Variants in DCDC1 observed in about 807,000 individuals in gnomAD.
The protein encoded by DCDC1 is doublecortin domain-containing protein 1.
A neutral mutation model predicts 178.3 loss-of-function variants in DCDC1; 200 were observed. The ratio of observed to expected loss-of-function variants is 1.12; its 90% confidence interval spans 1.00 to 1.26. DCDC1 has a LOEUF of 1.26. Ranked by LOEUF, DCDC1 falls within the 50% of genes most tolerant of loss-of-function variation. The probability of loss-of-function intolerance (pLI) is 0.00; values close to 1 mark genes in which losing one functional copy is unlikely to be tolerated. For missense variants in DCDC1, 1,983 were observed against 1,749.2 expected (o/e 1.13, Z -2.38); for synonymous variants, 690 against 604.8 (o/e 1.14, Z -2.07).
chr11:31,214,423 A>C (rs553136076), intron 9 of DCDC1, among the ~76,000 whole-genome samples: 120 of 152,318 alleles, frequency 7.9e-4, no homozygotes, highest in Non-Finnish European at 1.2e-3. Context: ...ATTTGATTTT[A>C]ATTTTTTTTT....
At chr11:31,045,134 A>G (rs1035044389) in intron 20 of DCDC1, among the ~76,000 whole-genome samples, 6 of 147,656 alleles carry the variant, frequency 4.1e-5, no homozygotes, top group Admixed American at 6.7e-5. Flanking sequence ...TCTCATAAAT[A>G]TACTTATATG....
chr11:30,890,036 A>G (rs1943640025), intron 36 of DCDC1, among the ~76,000 whole-genome samples: 1 of 152,182 alleles, frequency 6.6e-6, no homozygotes, highest in South Asian at 2.1e-4. Flanking sequence ...CTCCACATGC[A>G]CACAAAGGAA....
chr11:30,869,739 TG>T (rs1186600574), intron 38 of DCDC1, among the ~76,000 whole-genome samples: 2 of 152,076 alleles, frequency 1.3e-5, no homozygotes, highest in Non-Finnish European at 2.9e-5. Flanking sequence ...AAGTTTAGCA[TG>T]GGTGGAGTGC....
chr11:30,918,046 TA>T (rs144914353), intron 25 of DCDC1, among the ~76,000 whole-genome samples: 40 of 151,306 alleles, frequency 2.6e-4, no homozygotes, highest in African/African-American at 6.5e-4. Flanking sequence ...CCTTTACAGT[TA>T]AAAAAAACAA....
At chr11:31,342,183 G>GAA (rs1950588472) in intron 1 of DCDC1, among the ~76,000 whole-genome samples, 1 of 152,056 alleles carries the variant, frequency 6.6e-6, no homozygotes, top group Non-Finnish European at 1.5e-5. Context: ...ACAGGAGATG[G>GAA]GAAGCTCAAA....
At chr11:31,322,775 A>T (rs1394645925) in intron 3 of DCDC1, among the ~76,000 whole-genome samples, 1 of 152,160 alleles carries the variant, frequency 6.6e-6, no homozygotes, top group Non-Finnish European at 1.5e-5. Context: ...TTTAACCCTA[A>T]AATTGCTCTC....
intron 21 of DCDC1, among the ~76,000 whole-genome samples, chr11:30,935,912 G>A (rs1245545737): frequency 6.6e-6 from 1 of 152,158 alleles, no homozygotes; most frequent in East Asian, 1.9e-4. Flanking sequence ...GGTGACCCAT[G>A]CACTGGTCTT....
chr11:31,334,599 T>C (rs1180924292), intron 2 of DCDC1, among the ~76,000 whole-genome samples: 1 of 152,206 alleles, frequency 6.6e-6, no homozygotes, highest in African/African-American at 2.4e-5. Flanking sequence ...GTTGATGCTA[T>C]TCCTTTCTGT....
intron 9 of DCDC1, among the ~76,000 whole-genome samples, chr11:31,166,806 G>A (rs1966830417): frequency 6.6e-6 from 1 of 152,114 alleles, no homozygotes; most frequent in African/African-American, 2.4e-5. Flanking sequence ...CTATAAATGT[G>A]AACCACAGGA....
intron 20 of DCDC1, among the ~76,000 whole-genome samples, chr11:30,984,784 A>G (rs1415465111): frequency 6.6e-6 from 1 of 152,206 alleles, no homozygotes; most frequent in African/African-American, 2.4e-5. Context: ...TGTCTCTCAT[A>G]GAAGTAAATT....
At chr11:31,210,117 A>G (rs1178287288) in intron 9 of DCDC1, among the ~76,000 whole-genome samples, 1 of 152,148 alleles carries the variant, frequency 6.6e-6, no homozygotes, top group African/African-American at 2.4e-5. Flanking sequence ...ACCATAAGTC[A>G]ATCACCCTTC....
chr11:30,878,845 C>T (rs1942386681), intron 37 of DCDC1, 134 bp from the exon 38 acceptor site: 1 of 725,550 alleles, frequency 1.4e-6, no homozygotes, highest in Non-Finnish European at 2.1e-6. Context: ...CTCATTACAA[C>T]TTTGACTTCT....
chr11:31,237,698 T>A (rs1437054407), intron 9 of DCDC1, among the ~76,000 whole-genome samples: 1 of 152,056 alleles, frequency 6.6e-6, no homozygotes, highest in East Asian at 1.9e-4. Context: ...TGTTTTTCAA[T>A]ACACTACCAA....
chr11:30,894,306 C>A lies in DCDC1; in HGVS notation c.4844G>T (p.Gly1615Val), dbSNP rs770040335. Residue 1615 changes from glycine to valine, a missense_variant, in exon 35 of 39, where the codon GGC becomes GTC. Coordinates refer to ENST00000684477, the MANE Select transcript of DCDC1 (RefSeq NM_001387274.1). ...TTCCTGTTGAGTCTGTTCGGTCCAGCCTCCTTCAACCACCACGGGCTGCAC... is the reference window on the plus strand; with the variant it reads ...TTCCTGTTGAGTCTGTTCGGTCCAGACTCCTTCAACCACCACGGGCTGCAC... Reference protein sequence around the residue: ...SPVQPVVVEGGWTEQTQQEIK... With the variant: ...SPVQPVVVEGVWTEQTQQEIK... The A allele has an allele frequency of 2.5e-6, 4 of 1,613,736 alleles. No homozygotes were observed. Among genetic ancestry groups the A allele is most frequent in the Non-Finnish European group, 3.4e-6 (4 of 1,179,818 alleles).
At position 30,996,542 on chromosome 11, in the gene DCDC1, T is replaced by C. The variant is rs112123766; in HGVS notation, c.2592-43974A>G. Among the ~76,000 whole-genome samples, 631 of 152,308 alleles carry C rather than the reference T, an allele frequency of 4.1e-3. 7 individuals carry two copies. Among genetic ancestry groups the C allele is most frequent in the African/African-American group, 0.015 (603 of 41,568 alleles). The stretch of plus-strand genomic sequence containing the variant: ...CTCTGCACTCATGAATGGAATTAGA[T>C]GCTCTTATAAAAGGGCGTGACAAAG... On this transcript the variant is annotated intron_variant, in intron 20 of 38. Transcript: ENST00000684477.
chr11:31,281,049 C>A, intron 7 of DCDC1: 1 of 487,908 alleles, frequency 2.0e-6, no homozygotes, highest in Non-Finnish European at 3.9e-6. Context: ...TCCCATTCTC[C>A]TTAAATTTCA....
intron 17 of DCDC1, among the ~76,000 whole-genome samples, chr11:31,083,786 A>G (rs753188722): frequency 2.0e-5 from 3 of 152,140 alleles, no homozygotes; most frequent in Non-Finnish European, 4.4e-5. Flanking sequence ...TTATAATCTA[A>G]TCTTCCTCTG....
chr11:30,934,447 C>T (rs1057133173), intron 21 of DCDC1, among the ~76,000 whole-genome samples: 3 of 152,114 alleles, frequency 2.0e-5, no homozygotes, highest in African/African-American at 7.2e-5. Flanking sequence ...ATATGGAGAG[C>T]TGAATAATTG....
At chr11:30,957,723 A>G (rs141393171) in intron 20 of DCDC1, among the ~76,000 whole-genome samples, 1 of 152,318 alleles carries the variant, frequency 6.6e-6, no homozygotes, top group Non-Finnish European at 1.5e-5. Flanking sequence ...TGCATGGTGA[A>G]GTGACTATGA....
Sources: allele counts gnomAD v4.1 joint callset (sites outside exome capture counted in the v4.1 genomes callset), GRCh38; gene constraint gnomAD v4.1.1; transcripts MANE v1.5; gene names NCBI Gene and HGNC (gene_info 2026-07-23, HGNC 2026-07-21).